The following RTL4 variants were observed in gnomAD, a reference collection of about 807,000 sequenced individuals.
RTL4 encodes retrotransposon Gag like 4.
Under a neutral mutation model 5.3 loss-of-function variants are expected in RTL4, and 4 were observed. That is an observed-to-expected ratio of 0.75 (90% CI 0.37 to 1.72). RTL4 has a LOEUF of 1.72. RTL4 is among the 40% of genes most tolerant of loss of function. The probability of loss-of-function intolerance (pLI) is 0.04; values close to 1 mark genes in which losing one functional copy is unlikely to be tolerated. For missense variants in RTL4, 260 were observed against 227.1 expected (o/e 1.14, Z -0.93); for synonymous variants, 98 against 87.3 (o/e 1.12, Z -0.68).
the RTL4 span, among the ~76,000 whole-genome samples, chrX:112,288,880 G>A: frequency 1.8e-5 from 2 of 111,677 alleles, no homozygotes; most frequent in Non-Finnish European, 3.8e-5. Context: ...CTTCAAAAGT[G>A]TGGAAAGTAT....
the RTL4 span, among the ~76,000 whole-genome samples, chrX:112,244,138 AGT>A: frequency 2.7e-5 from 3 of 111,803 alleles, no homozygotes; most frequent in African/African-American, 9.8e-5. Context: ...TTTTAGAATA[AGT>A]GTGATGTGGT....
At chrX:112,277,655 T>C in the RTL4 span, among the ~76,000 whole-genome samples, 4 of 111,479 alleles carry the variant, frequency 3.6e-5, no homozygotes, top group African/African-American at 9.8e-5. Flanking sequence ...ATAAGGAAGA[T>C]TGATTGAAAG....
the RTL4 span, among the ~76,000 whole-genome samples, chrX:112,130,825 G>A: frequency 1.1e-5 from 1 of 93,914 alleles, no homozygotes; most frequent in Non-Finnish European, 2.0e-5. Context: ...ACTGAGTCTC[G>A]CTCTGTCGCC....
chrX:112,084,965 A>G, the RTL4 span, among the ~76,000 whole-genome samples: 1 of 112,387 alleles, frequency 8.9e-6, no homozygotes, highest in Non-Finnish European at 1.9e-5. Flanking sequence ...AGGATATATA[A>G]AGAAAAATCC....
At chrX:112,384,100 A>G in the RTL4 span, among the ~76,000 whole-genome samples, 2 of 112,338 alleles carry the variant, frequency 1.8e-5, no homozygotes, top group Non-Finnish European at 3.8e-5. Context: ...TTATAAGGAC[A>G]TGATTAATTT....
At chrX:112,306,575 C>T in the RTL4 span, among the ~76,000 whole-genome samples, 8 of 111,412 alleles carry the variant, frequency 7.2e-5, no homozygotes, top group South Asian at 3.1e-3. Context: ...GAGCTCTTAA[C>T]TAGCATGCTT....
At chrX:112,192,505 T>C in the RTL4 span, among the ~76,000 whole-genome samples, 7 of 111,838 alleles carry the variant, frequency 6.3e-5, no homozygotes, top group Non-Finnish European at 9.4e-5. Context: ...CAGTGTATCA[T>C]TTTAATTTCT....
At chrX:112,307,017 GT>G in the RTL4 span, among the ~76,000 whole-genome samples, 1 of 111,185 alleles carries the variant, frequency 9.0e-6, no homozygotes, top group Non-Finnish European at 1.9e-5. Flanking sequence ...TGGGATCCCA[GT>G]TTTTTTCATG....
At chrX:112,158,745 T>A in the RTL4 span, among the ~76,000 whole-genome samples, 1 of 111,617 alleles carries the variant, frequency 9.0e-6, no homozygotes, top group East Asian at 2.8e-4. Context: ...TGTTTGCAGT[T>A]TTTTGCTATT....
At chrX:112,098,173 T>C in the RTL4 span, among the ~76,000 whole-genome samples, 1 of 95,762 alleles carries the variant, frequency 1.0e-5, no homozygotes, top group Non-Finnish European at 2.1e-5. Flanking sequence ...TGTGTTCTCA[T>C]TGTTCAATTC....
At chrX:112,236,418 TC>T in the RTL4 span, among the ~76,000 whole-genome samples, 4 of 58,093 alleles carry the variant, frequency 6.9e-5, no homozygotes, top group Non-Finnish European at 9.9e-5. Flanking sequence ...TAGATCTATA[TC>T]TATATATAGA....
the RTL4 span, among the ~76,000 whole-genome samples, chrX:112,222,233 C>A: frequency 9.0e-6 from 1 of 111,314 alleles, no homozygotes; most frequent in Non-Finnish European, 1.9e-5. Context: ...AAAATTTTTA[C>A]CACCTCTTCA....
At chrX:112,253,857 A>G in the RTL4 span, among the ~76,000 whole-genome samples, 1 of 111,647 alleles carries the variant, frequency 9.0e-6, no homozygotes, top group Non-Finnish European at 1.9e-5. Flanking sequence ...CCCTAGGCTT[A>G]ATGTCTAAAT....
At chrX:112,448,288 C>T in the RTL4 span, among the ~76,000 whole-genome samples, 15 of 112,115 alleles carry the variant, frequency 1.3e-4, no homozygotes, top group South Asian at 1.5e-3. Flanking sequence ...CTCTTTGAAA[C>T]GATGGTCACA....
chrX:112,311,616 G>A, the RTL4 span, among the ~76,000 whole-genome samples: 1 of 110,946 alleles, frequency 9.0e-6, no homozygotes, highest in African/African-American at 3.3e-5. Context: ...CCCAATGAGA[G>A]CACATTTCTT....
At chrX:112,092,780 A>T in the RTL4 span, among the ~76,000 whole-genome samples, 3 of 110,709 alleles carry the variant, frequency 2.7e-5, no homozygotes, top group African/African-American at 9.9e-5. Context: ...TCTCTGCACA[A>T]GCTCTCTCTT....
At chrX:112,084,620 G>A in the RTL4 span, among the ~76,000 whole-genome samples, 692 of 111,227 alleles carry the variant, frequency 6.2e-3, 5 homozygotes, top group Non-Finnish European at 9.3e-3. Context: ...TGATTAAGCC[G>A]TCTTCCCTTT....
chrX:112,381,967 C>T, the RTL4 span: 10 of 1,207,197 alleles, frequency 8.3e-6, no homozygotes, highest in East Asian at 3.0e-5. Flanking sequence ...TTGAATACTC[C>T]TCTGGCATCA....
chrX:112,112,503 C>T, the RTL4 span, among the ~76,000 whole-genome samples: 1 of 112,080 alleles, frequency 8.9e-6, no homozygotes, highest in Non-Finnish European at 1.9e-5. Flanking sequence ...AGGCTGTATT[C>T]ATTCCTTGTT....
Sources: gnomAD v4.1 joint callset for allele counts (sites outside exome capture counted in the v4.1 genomes callset) on GRCh38, gnomAD v4.1.1 for gene constraint, MANE v1.5 for transcripts, NCBI Gene and HGNC (gene_info 2026-07-23, HGNC 2026-07-21) for gene names.